OPCML: variants seen among roughly 807,000 people sequenced by gnomAD.
The protein encoded by OPCML is opioid-binding protein/cell adhesion molecule.
OPCML carries 13 observed loss-of-function variants against 37.8 expected under a neutral mutation model. The observed-to-expected ratio is 0.34, with a 90% CI of 0.22 to 0.55. The LOEUF (loss-of-function observed/expected upper bound fraction) is 0.55, where lower values mean the gene tolerates loss of function less well. Ranked by LOEUF, OPCML falls within the 20% of genes least tolerant of loss-of-function variation. OPCML has a pLI of 0.91. For missense variants in OPCML, 341 were observed against 435.6 expected (o/e 0.78, Z 1.93); for synonymous variants, 176 against 168.8 (o/e 1.04, Z -0.33).
Position 133,001,433 on chromosome 11 carries a change from G to T in OPCML, c.62-58423C>A, listed in dbSNP as rs534378086. Reference sequence around the variant, plus strand: ...AGCAAATGATAAAGAAGAAGGCTATGTTTTTCATCTGGATGCTATCATTGG... The same window carrying T: ...AGCAAATGATAAAGAAGAAGGCTATTTTTTTCATCTGGATGCTATCATTGG... On this transcript the variant is annotated intron_variant, in intron 1 of 7. Transcript: ENST00000524381. Among the ~76,000 whole-genome samples, 396 of 152,274 alleles carry T rather than the reference G, an allele frequency of 2.6e-3. 2 individuals are homozygous for T. The highest frequency in any genetic ancestry group is 9.0e-3 in the African/African-American group (374 of 41,558).
chr11:133,119,791 G>C (rs1949393334), intron 1 of OPCML, among the ~76,000 whole-genome samples: 1 of 152,204 alleles, frequency 6.6e-6, no homozygotes, highest in African/African-American at 2.4e-5. Flanking sequence ...GTGAAGTCAG[G>C]ATGGGGAAGA....
At chr11:132,857,127 C>G (rs1942086958) in intron 2 of OPCML, among the ~76,000 whole-genome samples, 1 of 152,138 alleles carries the variant, frequency 6.6e-6, no homozygotes, top group Admixed American at 6.5e-5. Context: ...TCCAATTTCC[C>G]CATATCCTTC....
intron 1 of OPCML, among the ~76,000 whole-genome samples, chr11:133,362,382 C>T (rs967373423): frequency 6.6e-6 from 1 of 152,196 alleles, no homozygotes; most frequent in Non-Finnish European, 1.5e-5. Flanking sequence ...GGTGTCTCTT[C>T]CCTTCCCGCC....
At chr11:132,481,161 C>T (rs1192358027) in intron 4 of OPCML, among the ~76,000 whole-genome samples, 1 of 152,148 alleles carries the variant, frequency 6.6e-6, no homozygotes, top group African/African-American at 2.4e-5. Flanking sequence ...CATCAGTGTG[C>T]TGTATTCAGG....
intron 1 of OPCML, among the ~76,000 whole-genome samples, chr11:133,091,930 G>A (rs556477250): frequency 5.9e-5 from 9 of 152,252 alleles, no homozygotes; most frequent in South Asian, 4.1e-4. Flanking sequence ...ATTTGGAGGC[G>A]TAGGGGTGGA....
intron 2 of OPCML, among the ~76,000 whole-genome samples, chr11:132,839,318 AG>A (rs1246578132): frequency 2.6e-5 from 4 of 152,196 alleles, no homozygotes; most frequent in Admixed American, 1.3e-4. Flanking sequence ...GAGGAGCGAC[AG>A]GGGAACGCTA....
chr11:133,083,091 G>A (rs1023215612), intron 1 of OPCML, among the ~76,000 whole-genome samples: 3 of 151,976 alleles, frequency 2.0e-5, no homozygotes, highest in Admixed American at 6.5e-5. Context: ...CCTGCGCCCC[G>A]ACGGCACCCG....
At chr11:132,527,904 G>C (rs1203290670) in intron 4 of OPCML, among the ~76,000 whole-genome samples, 1 of 147,962 alleles carries the variant, frequency 6.8e-6, no homozygotes, top group Non-Finnish European at 1.5e-5. Context: ...AGAGGGCCAT[G>C]TGAAGATGAA....
intron 1 of OPCML, among the ~76,000 whole-genome samples, chr11:133,335,203 T>G (rs1943717352): frequency 6.6e-6 from 1 of 152,182 alleles, no homozygotes; most frequent in Non-Finnish European, 1.5e-5. Flanking sequence ...CCATCTTTCA[T>G]GATGGGCAAG....
At position 133,450,328 on chromosome 11, in the gene OPCML, G is replaced by A. The variant is rs183504724; in HGVS notation, c.61+81936C>T. 6.6e-5 allele frequency among the ~76,000 whole-genome samples: 10 copies of A among 151,656 alleles called. No individual in the cohort carries two copies. In the East Asian group the frequency reaches 1.9e-3, roughly 29 times the overall value. On this transcript the variant is annotated intron_variant, in intron 1 of 7. Transcript: ENST00000524381. ...AGGTATTCTCCAAATACTACAACCA[G>A]ATGCTAGAGTGACTGAAAAGCTTGT...
intron 1 of OPCML, among the ~76,000 whole-genome samples, chr11:133,367,277 G>A (rs1013580726): frequency 7.9e-5 from 12 of 152,134 alleles, no homozygotes; most frequent in African/African-American, 1.4e-4. Flanking sequence ...ACACCCAGCC[G>A]GAATGCAGGA....
At chr11:133,263,114 T>C (rs551026273) in intron 1 of OPCML, among the ~76,000 whole-genome samples, 10 of 152,170 alleles carry the variant, frequency 6.6e-5, no homozygotes, top group African/African-American at 2.2e-4. Flanking sequence ...TTACCACTTA[T>C]GTGACCCCGC....
At chr11:133,315,926 T>C (rs928007793) in intron 1 of OPCML, among the ~76,000 whole-genome samples, 8 of 152,260 alleles carry the variant, frequency 5.3e-5, no homozygotes, top group Non-Finnish European at 1.2e-4. Flanking sequence ...TGGTGGGTAC[T>C]ACTCAAGGTT....
At chr11:133,172,174 G>A (rs749232711) in intron 1 of OPCML, among the ~76,000 whole-genome samples, 2 of 152,088 alleles carry the variant, frequency 1.3e-5, no homozygotes, top group Non-Finnish European at 2.9e-5. Context: ...TCAGTAGTGT[G>A]GTACCAAGCA....
intron 1 of OPCML, among the ~76,000 whole-genome samples, chr11:132,944,142 C>T (rs1945685551): frequency 6.8e-6 from 1 of 148,046 alleles, no homozygotes; most frequent in African/African-American, 2.5e-5. Flanking sequence ...CCCGCGCCAG[C>T]GGAGAGAACG....
chr11:132,479,480 G>A (rs1342342181), intron 4 of OPCML, among the ~76,000 whole-genome samples: 1 of 152,224 alleles, frequency 6.6e-6, no homozygotes, highest in East Asian at 1.9e-4. Flanking sequence ...GCTTGCTTAG[G>A]TAAACAAAGC....
chr11:133,240,448 T>C (rs1940687072), intron 1 of OPCML, among the ~76,000 whole-genome samples: 1 of 152,150 alleles, frequency 6.6e-6, no homozygotes, highest in Non-Finnish European at 1.5e-5. Flanking sequence ...CAGACACCCG[T>C]GTTAGAGTGT....
rs566156441 is a variant in OPCML, at chr11:132,635,365, A to C, written c.379+21722T>G. On this transcript the variant is annotated intron_variant, in intron 3 of 7. Coordinates refer to ENST00000524381, the MANE Select transcript of OPCML (RefSeq NM_001012393.5). ...TTCCTTGTTCTTGAAAGAAAACAAT[A>C]ACAAAAACAAAAACTTTAGTCAAAT... Among the ~76,000 whole-genome samples, 18 of 152,314 alleles carry C rather than the reference A, an allele frequency of 1.2e-4. No individual in the cohort carries two copies. In the South Asian group the frequency reaches 3.5e-3, roughly 30 times the overall value.
At chr11:133,517,143 G>A (rs748986983) in intron 1 of OPCML, among the ~76,000 whole-genome samples, 3 of 152,218 alleles carry the variant, frequency 2.0e-5, no homozygotes, top group Non-Finnish European at 4.4e-5. Context: ...CCAAAGAGGT[G>A]CTTGTCCTCA....
Sources: gnomAD v4.1 joint callset for allele counts (sites outside exome capture counted in the v4.1 genomes callset) on GRCh38, gnomAD v4.1.1 for gene constraint, MANE v1.5 for transcripts, NCBI Gene and HGNC (gene_info 2026-07-23, HGNC 2026-07-21) for gene names.